Variants in DTNB observed in about 807,000 individuals in gnomAD.
The protein encoded by DTNB is dystrobrevin beta.
DTNB carries 63 observed loss-of-function variants against 90.7 expected under a neutral mutation model. That is an observed-to-expected ratio of 0.69 (90% CI 0.57 to 0.86). The LOEUF is 0.86. DTNB is among the 40% of genes least tolerant of loss of function. DTNB has a pLI of 0.00. For synonymous variants in DTNB, 277 were observed against 286.7 expected (o/e 0.97, Z 0.34); for missense variants, 744 against 807.1 (o/e 0.92, Z 0.95).
At chr2:25,419,420 T>G in intron 16 of DTNB, 95 bp downstream of exon 16, 1 of 1,531,856 alleles carries the variant, frequency 6.5e-7, no homozygotes, top group Non-Finnish European at 8.9e-7. Flanking sequence ...TCTTCAGAGA[T>G]GATGTGCGGG....
At chr2:25,418,679 AC>A (rs1338601014) in intron 16 of DTNB, among the ~76,000 whole-genome samples, 2 of 151,848 alleles carry the variant, frequency 1.3e-5, no homozygotes, top group South Asian at 4.2e-4. Flanking sequence ...GGCCTGGGAG[AC>A]AGAGCGAGAC....
At chr2:25,546,070 AT>A (rs1431625759) in intron 8 of DTNB, among the ~76,000 whole-genome samples, 2 of 152,194 alleles carry the variant, frequency 1.3e-5, no homozygotes, top group Non-Finnish European at 2.9e-5. Context: ...AGCAAACCCT[AT>A]GTTTATTTAA....
chr2:25,449,066 C>T (rs867622422), intron 12 of DTNB, among the ~76,000 whole-genome samples: 8 of 152,006 alleles, frequency 5.3e-5, no homozygotes, highest in Non-Finnish European at 7.4e-5. Flanking sequence ...AGTTAGTTTG[C>T]CTATTCTAGA....
chr2:25,597,273 G>A lies in DTNB; in HGVS notation c.449-1033C>T, dbSNP rs114064135. 6.6e-3 allele frequency among the ~76,000 whole-genome samples: 996 copies of A among 151,890 alleles called. 12 individuals carry two copies. Among genetic ancestry groups the A allele is most frequent in the African/African-American group, 0.023 (947 of 41,414 alleles). On this transcript the variant is annotated intron_variant, in intron 5 of 20. Coordinates refer to ENST00000406818, the MANE Select transcript of DTNB (RefSeq NM_021907.5). ...TTGAGCCCAGGAGGTCAAGACTACA[G>A]TGAGCCGTGATGCCATGATCACACC...
At chr2:25,516,767 G>A (rs1283748484) in intron 9 of DTNB, among the ~76,000 whole-genome samples, 3 of 152,026 alleles carry the variant, frequency 2.0e-5, no homozygotes, top group African/African-American at 4.8e-5. Context: ...GTGGGCGCCT[G>A]TAATCCCAGC....
intron 12 of DTNB, among the ~76,000 whole-genome samples, chr2:25,435,556 A>G (rs968244807): frequency 5.3e-5 from 8 of 152,220 alleles, no homozygotes; most frequent in African/African-American, 1.9e-4. Context: ...CCCATGTTGT[A>G]CCACATATCA....
At chr2:25,540,813 T>C (rs998141347) in intron 8 of DTNB, among the ~76,000 whole-genome samples, 10 of 152,148 alleles carry the variant, frequency 6.6e-5, no homozygotes, top group Non-Finnish European at 7.4e-5. Flanking sequence ...CGGTGCAAGA[T>C]GTGCTTTGTT....
At chr2:25,512,876 T>G (rs2074237195) in intron 9 of DTNB, among the ~76,000 whole-genome samples, 1 of 152,200 alleles carries the variant, frequency 6.6e-6, no homozygotes, top group Non-Finnish European at 1.5e-5. Flanking sequence ...CATAAATTAG[T>G]AGTAGAAGAT....
intron 16 of DTNB, among the ~76,000 whole-genome samples, chr2:25,403,824 G>A (rs866042678): frequency 6.6e-6 from 1 of 152,114 alleles, no homozygotes. Context: ...TTGAGATAGG[G>A]TCTTGCTATG....
At chr2:25,415,601 G>A (rs577403642) in intron 16 of DTNB, among the ~76,000 whole-genome samples, 11 of 152,246 alleles carry the variant, frequency 7.2e-5, no homozygotes, top group Middle Eastern at 3.4e-3. Flanking sequence ...CATTATTAGA[G>A]GGTTGAAAGT....
intron 8 of DTNB, among the ~76,000 whole-genome samples, chr2:25,574,112 T>C (rs2060299622): frequency 6.6e-6 from 1 of 152,194 alleles, no homozygotes; most frequent in African/African-American, 2.4e-5. Flanking sequence ...TCCATTTAGC[T>C]ACACGAAGGC....
intron 10 of DTNB, among the ~76,000 whole-genome samples, chr2:25,474,038 A>G (rs1251586711): frequency 2.0e-5 from 3 of 152,154 alleles, no homozygotes; most frequent in East Asian, 1.9e-4. Flanking sequence ...GTCAGCTTCT[A>G]TTTTTCAAAC....
chr2:25,488,498 G>A (rs1217086030), intron 9 of DTNB, among the ~76,000 whole-genome samples: 2 of 152,146 alleles, frequency 1.3e-5, no homozygotes, highest in African/African-American at 4.8e-5. Flanking sequence ...AAGTACCATT[G>A]ATACCATTGA....
At chr2:25,428,225 C>A (rs1320868175) in intron 14 of DTNB, among the ~76,000 whole-genome samples, 1 of 152,060 alleles carries the variant, frequency 6.6e-6, no homozygotes, top group Non-Finnish European at 1.5e-5. Context: ...CCTGTCTCTG[C>A]TATTTTTCCT....
intron 8 of DTNB, among the ~76,000 whole-genome samples, chr2:25,540,586 T>C (rs2080978257): frequency 6.6e-6 from 1 of 152,136 alleles, no homozygotes; most frequent in Non-Finnish European, 1.5e-5. Context: ...AATGGCGGTT[T>C]TGTAGAATAG....
At chr2:25,522,622 C>G (rs1395821291) in intron 9 of DTNB, among the ~76,000 whole-genome samples, 1 of 151,512 alleles carries the variant, frequency 6.6e-6, no homozygotes, top group African/African-American at 2.4e-5. Flanking sequence ...AGCACTTTCT[C>G]ATACATTATC....
chr2:25,604,828 G>A (rs2148491534), intron 5 of DTNB, among the ~76,000 whole-genome samples: 1 of 152,244 alleles, frequency 6.6e-6, no homozygotes, highest in South Asian at 2.1e-4. Context: ...GGCCTCAGGT[G>A]ATCCACCCCA....
At chr2:25,566,239 T>G (rs151127176) in intron 8 of DTNB, among the ~76,000 whole-genome samples, 1 of 152,222 alleles carries the variant, frequency 6.6e-6, no homozygotes, top group Non-Finnish European at 1.5e-5. Context: ...CTGAGACTCA[T>G]CCTCAGCTGG....
chr2:25,656,023 A>G (rs999433395), intron 1 of DTNB, among the ~76,000 whole-genome samples: 1 of 152,162 alleles, frequency 6.6e-6, no homozygotes, highest in Admixed American at 6.5e-5. Context: ...TGGCTTGAAA[A>G]CAAATCTCGT....
Sources: allele counts gnomAD v4.1 joint callset (sites outside exome capture counted in the v4.1 genomes callset), GRCh38; gene constraint gnomAD v4.1.1; transcripts MANE v1.5; gene names NCBI Gene and HGNC (gene_info 2026-07-23, HGNC 2026-07-21).